The following PCSK6 variants were observed in gnomAD, a reference collection of about 807,000 sequenced individuals.
PCSK6 encodes the protein proprotein convertase subtilisin/kexin type 6, also known as paired basic amino acid cleaving enzyme 4.
A neutral mutation model predicts 123.3 loss-of-function variants in PCSK6; 85 were observed. The observed-to-expected ratio is 0.69, with a 90% CI of 0.58 to 0.83. The LOEUF (loss-of-function observed/expected upper bound fraction) is 0.83. PCSK6 is among the 40% of genes least tolerant of loss of function. The pLI, the probability that PCSK6 is intolerant of heterozygous loss-of-function variation, is 0.00. For missense variants in PCSK6, 1,191 were observed against 1,282.3 expected (o/e 0.93, Z 1.09); for synonymous variants, 508 against 516.0 (o/e 0.98, Z 0.21).
chr15:101,384,096 G>C (rs1003183237), intron 10 of PCSK6: 7 of 982,854 alleles, frequency 7.1e-6, no homozygotes, highest in Non-Finnish European at 7.2e-6. Flanking sequence ...AAGTTATAGA[G>C]TATAGGAGAC....
intron 1 of PCSK6, among the ~76,000 whole-genome samples, chr15:101,469,480 T>A (rs1369050055): frequency 6.6e-6 from 1 of 152,248 alleles, no homozygotes; most frequent in East Asian, 1.9e-4. Flanking sequence ...CCTCCGTCTG[T>A]CATCTTAACC....
intron 13 of PCSK6, among the ~76,000 whole-genome samples, chr15:101,335,208 C>T (rs1042427796): frequency 4.6e-5 from 7 of 152,352 alleles, no homozygotes; most frequent in East Asian, 1.9e-4. Context: ...GATCCTCCCA[C>T]GTTGGCCTCC....
At chr15:101,453,089 T>G (rs989645551) in intron 1 of PCSK6, among the ~76,000 whole-genome samples, 1 of 152,220 alleles carries the variant, frequency 6.6e-6, no homozygotes, top group Admixed American at 6.5e-5. Flanking sequence ...TGGTCTAAAC[T>G]GAAGACAAAA....
intron 13 of PCSK6, among the ~76,000 whole-genome samples, chr15:101,360,155 C>T (rs2041169637): frequency 6.6e-6 from 1 of 152,202 alleles, no homozygotes; most frequent in South Asian, 2.1e-4. Flanking sequence ...CTGCTTCATA[C>T]ACTCCACTGA....
intron 6 of PCSK6, among the ~76,000 whole-genome samples, chr15:101,400,633 T>G (rs1377420552): frequency 6.6e-6 from 1 of 152,196 alleles, no homozygotes; most frequent in African/African-American, 2.4e-5. Flanking sequence ...TTTACGTGAG[T>G]AGAATCCTGC....
intron 1 of PCSK6, among the ~76,000 whole-genome samples, chr15:101,469,976 G>C (rs1385433964): frequency 6.6e-6 from 1 of 152,178 alleles, no homozygotes; most frequent in East Asian, 1.9e-4. Flanking sequence ...ATATCAATAT[G>C]ACTGGCAACA....
chr15:101,427,427 C>A (rs184979490), intron 6 of PCSK6, among the ~76,000 whole-genome samples: 1 of 152,198 alleles, frequency 6.6e-6, no homozygotes, highest in Non-Finnish European at 1.5e-5. Flanking sequence ...GTCTAAGGGG[C>A]ACTATGAAAA....
chr15:101,462,472 T>C (rs1319335330), intron 1 of PCSK6, among the ~76,000 whole-genome samples: 1 of 152,202 alleles, frequency 6.6e-6, no homozygotes, highest in Non-Finnish European at 1.5e-5. Flanking sequence ...AAGAATAGCC[T>C]AAAACTCCTG....
intron 20 of PCSK6, chr15:101,307,822 CG>C (rs2039760617): frequency 6.3e-6 from 1 of 159,388 alleles, no homozygotes; most frequent in Admixed American, 6.2e-5. Flanking sequence ...TGCTTACCCT[CG>C]GGGAGTGGGA....
Position 101,384,183 on chromosome 15 carries a change from C to T in PCSK6, c.1414+139G>A. On this transcript the variant is annotated intron_variant, in intron 10 of 21. Transcript: ENST00000611716. ...GGGATACTTTTCTTAAATAGCTGCACATGCGTTTTAAATTCTTGTGACACA... is the reference window on the plus strand; with the variant it reads ...GGGATACTTTTCTTAAATAGCTGCATATGCGTTTTAAATTCTTGTGACACA... 4.8e-6 allele frequency: 7 copies of T among 1,460,382 alleles called. No homozygotes were observed. In the South Asian group the frequency reaches 1.0e-4, roughly 21 times the overall value. 90.5% of individuals were successfully genotyped at this position (1,460,382 alleles called of 1,614,324 possible). A position where few individuals can be genotyped will look rare whatever the true frequency, so the allele number is the denominator to read the frequency against.
intron 1 of PCSK6, among the ~76,000 whole-genome samples, chr15:101,449,989 T>C (rs994638631): frequency 1.3e-5 from 2 of 151,982 alleles, no homozygotes; most frequent in Non-Finnish European, 2.9e-5. Context: ...GGTCAGCACA[T>C]AACTTCCACC....
At chr15:101,451,843 T>C (rs2057044353) in intron 1 of PCSK6, among the ~76,000 whole-genome samples, 1 of 152,236 alleles carries the variant, frequency 6.6e-6, no homozygotes, top group Admixed American at 6.5e-5. Flanking sequence ...AATTCTGTAT[T>C]GCTCTAGTGA....
At chr15:101,406,559 C>T (rs2042787698) in intron 6 of PCSK6, among the ~76,000 whole-genome samples, 1 of 152,114 alleles carries the variant, frequency 6.6e-6, no homozygotes, top group Admixed American at 6.5e-5. Context: ...AGCAGCCATT[C>T]CGGGCCAAGT....
At chr15:101,458,487 G>A (rs1365193323) in intron 1 of PCSK6, among the ~76,000 whole-genome samples, 1 of 152,086 alleles carries the variant, frequency 6.6e-6, no homozygotes, top group East Asian at 1.9e-4. Flanking sequence ...CTTCTTAGGA[G>A]GGCCCTTGGT....
At position 101,393,202 on chromosome 15, in the gene PCSK6, G is replaced by A; in HGVS notation, c.1209+10C>T. 2 of 1,607,438 alleles carry A rather than the reference G, an allele frequency of 1.2e-6. No homozygotes were observed. Among genetic ancestry groups the A allele is most frequent in the Non-Finnish European group, 1.7e-6 (2 of 1,176,056 alleles). ...CACTGTAAGCACTCCAACTTGCCAA[G>A]AGAACTTACGATTTTTCGCTCATAA... On this transcript the variant is annotated intron_variant, in intron 8 of 21. Transcript: ENST00000611716.
At chr15:101,487,654 C>T (rs932750670) in intron 1 of PCSK6, among the ~76,000 whole-genome samples, 2 of 152,278 alleles carry the variant, frequency 1.3e-5, no homozygotes, top group South Asian at 2.1e-4. Context: ...TAATTTATCG[C>T]GTAGTTTAAG....
intron 1 of PCSK6, among the ~76,000 whole-genome samples, chr15:101,461,879 C>A (rs1199389379): frequency 2.6e-5 from 4 of 152,182 alleles, no homozygotes; most frequent in East Asian, 3.9e-4. Context: ...ATGTGGAAAC[C>A]CTGAAAGCAC....
intron 1 of PCSK6, among the ~76,000 whole-genome samples, chr15:101,488,577 G>A (rs1358415455): frequency 6.6e-6 from 1 of 152,130 alleles, no homozygotes; most frequent in East Asian, 1.9e-4. Flanking sequence ...AGATCTTTCC[G>A]ACAACCCAGC....
In PCSK6 at chr15:101,429,995, A is replaced by C; in HGVS notation, c.726T>G (p.Asn242Lys). Reference protein sequence around the residue: ...YDPSPRYDASNENKHGTRCAG... With the variant: ...YDPSPRYDASKENKHGTRCAG... Reference sequence around the variant, plus strand: ...GAGGCGAGGTGACGTACTTATTTTCATTGCTGGCATCATATCGTGGAGATG... The same window carrying C: ...GAGGCGAGGTGACGTACTTATTTTCCTTGCTGGCATCATATCGTGGAGATG... The change falls in exon 5 of 22, where the codon AAT (asparagine) becomes AAG (lysine). Residue 242 changes from asparagine (N) to lysine (K), a missense_variant. Physicochemically the swap from Asn to Lys is moderately conservative, Grantham distance 94. This residue lies in a region of PCSK6 where 357 missense variants were observed against 484.5 expected (regional missense o/e 0.74). Transcript: ENST00000611716. The C allele has an allele frequency of 6.2e-7, 1 of 1,613,234 alleles. No individual in the cohort carries two copies. The highest frequency in any genetic ancestry group is 8.5e-7 in the Non-Finnish European group (1 of 1,179,256).
Sources: gnomAD v4.1 joint callset for allele counts (sites outside exome capture counted in the v4.1 genomes callset) on GRCh38, gnomAD v4.1.1 for gene constraint, gnomAD v4.1.1 regional missense constraint, MANE v1.5 for transcripts, NCBI Gene and HGNC (gene_info 2026-07-23, HGNC 2026-07-21) for gene names.